Variants in HS6ST3 observed in about 807,000 individuals in gnomAD.
The protein encoded by HS6ST3 is heparan sulfate 6-O-sulfotransferase 3, also known as heparan-sulfate 6-O-sulfotransferase 3.
HS6ST3 carries 12 observed loss-of-function variants against 36.7 expected under a neutral mutation model. The observed-to-expected ratio is 0.33, with a 90% confidence interval of 0.21 to 0.53. The LOEUF (loss-of-function observed/expected upper bound fraction) is 0.53, where lower values mean the gene tolerates loss of function less well. HS6ST3 is among the 20% of genes least tolerant of loss of function. The probability of loss-of-function intolerance (pLI) is 0.95; values close to 1 mark genes in which losing one functional copy is unlikely to be tolerated. For missense variants in HS6ST3, 584 were observed against 640.9 expected (o/e 0.91, Z 0.96); for synonymous variants, 240 against 257.5 (o/e 0.93, Z 0.65).
intron 1 of HS6ST3, among the ~76,000 whole-genome samples, chr13:96,416,398 C>T (rs193156615): frequency 3.4e-4 from 51 of 152,128 alleles, no homozygotes; most frequent in Middle Eastern, 3.4e-3. Flanking sequence ...AAGAGTCATA[C>T]CTGGAATGGT....
chr13:96,434,539 A>G (rs755186962), intron 1 of HS6ST3, among the ~76,000 whole-genome samples: 12 of 151,938 alleles, frequency 7.9e-5, no homozygotes, highest in Admixed American at 1.3e-4. Flanking sequence ...AAAGTTGGAG[A>G]CCAGCTCTGA....
intron 1 of HS6ST3, among the ~76,000 whole-genome samples, chr13:96,600,400 T>G (rs2056417292): frequency 6.6e-6 from 1 of 151,762 alleles, no homozygotes; most frequent in Non-Finnish European, 1.5e-5. Flanking sequence ...CTTGTTGAAT[T>G]GATCCTTTAT....
chr13:96,151,712 G>C (rs953371565), intron 1 of HS6ST3, among the ~76,000 whole-genome samples: 5 of 152,154 alleles, frequency 3.3e-5, no homozygotes, highest in Non-Finnish European at 7.4e-5. Flanking sequence ...CCTCTGAAAC[G>C]TGTATGAAAG....
chr13:96,832,364 C>T lies in HS6ST3; in HGVS notation c.708-126C>T, dbSNP rs114182241. 733 of 666,584 alleles carry T rather than the reference C, an allele frequency of 1.1e-3. 5 individuals carry two copies. Among genetic ancestry groups the T allele is most frequent in the African/African-American group, 0.011 (600 of 55,176 alleles). 41.3% of individuals were successfully genotyped at this position (666,584 alleles called of 1,614,324 possible). A position where few individuals can be genotyped will look rare whatever the true frequency, so the allele number is the denominator to read the frequency against. ...ATGCATCAATAGACACAAATGCAGG[C>T]GAATACTCTCACATGAACATTTGGC... On this transcript the variant is annotated intron_variant, in intron 1 of 1. Transcript: ENST00000376705.
chr13:96,775,595 TAAAGAC>T (rs2138510364), intron 1 of HS6ST3, among the ~76,000 whole-genome samples: 1 of 148,736 alleles, frequency 6.7e-6, no homozygotes, highest in South Asian at 2.1e-4. Context: ...AAAAGACAAA[TAAAGAC>T]ATGACATAAT....
intron 1 of HS6ST3, among the ~76,000 whole-genome samples, chr13:96,406,197 T>C (rs1318043745): frequency 1.3e-5 from 2 of 152,132 alleles, no homozygotes; most frequent in African/African-American, 2.4e-5. Context: ...TATTCAGACA[T>C]TATTCTGCTA....
chr13:96,448,303 A>C (rs2055709223), intron 1 of HS6ST3, among the ~76,000 whole-genome samples: 1 of 152,158 alleles, frequency 6.6e-6, no homozygotes, highest in Admixed American at 6.5e-5. Flanking sequence ...TTAAAATTTA[A>C]TCAACCATTG....
chr13:96,334,555 C>G (rs960991719), intron 1 of HS6ST3, among the ~76,000 whole-genome samples: 1 of 152,194 alleles, frequency 6.6e-6, no homozygotes, highest in Non-Finnish European at 1.5e-5. Context: ...AATGAACTCA[C>G]AATTCCATAT....
intron 1 of HS6ST3, among the ~76,000 whole-genome samples, chr13:96,323,627 C>T (rs2055015661): frequency 1.3e-5 from 2 of 152,174 alleles, no homozygotes; most frequent in African/African-American, 4.8e-5. Context: ...CTTTGCCCTC[C>T]CTGTGCCTCC....
chr13:96,248,019 A>G (rs981304688), intron 1 of HS6ST3, among the ~76,000 whole-genome samples: 5 of 152,196 alleles, frequency 3.3e-5, no homozygotes, highest in African/African-American at 1.2e-4. Context: ...TTAATATAAG[A>G]CAAGTTAAGA....
intron 1 of HS6ST3, among the ~76,000 whole-genome samples, chr13:96,585,447 T>C (rs2056357480): frequency 1.3e-5 from 2 of 152,168 alleles, no homozygotes; most frequent in Admixed American, 6.5e-5. Context: ...AATTAACATA[T>C]CCATTATCTT....
intron 1 of HS6ST3, among the ~76,000 whole-genome samples, chr13:96,450,028 C>A (rs1001486703): frequency 6.6e-6 from 1 of 152,174 alleles, no homozygotes; most frequent in Admixed American, 6.5e-5. Context: ...CCAGGTTGGA[C>A]AGTAATTTTT....
chr13:96,324,418 G>A lies in HS6ST3; in HGVS notation c.707+232849G>A, dbSNP rs184335850. Among the ~76,000 whole-genome samples, 4 of 152,242 alleles carry A rather than the reference G, an allele frequency of 2.6e-5. No homozygotes were observed. In the East Asian group the frequency reaches 7.7e-4, roughly 29 times the overall value. On this transcript the variant is annotated intron_variant, in intron 1 of 1. Coordinates refer to ENST00000376705, the MANE Select transcript of HS6ST3 (RefSeq NM_153456.4). Reference sequence around the variant, plus strand: ...ATATGGTGTGGAATCTGCTGTTAGGGCAGATAAGAGGAAAACTGACCCCTG... The same window carrying A: ...ATATGGTGTGGAATCTGCTGTTAGGACAGATAAGAGGAAAACTGACCCCTG...
chr13:96,486,032 A>G (rs1173360962), intron 1 of HS6ST3, among the ~76,000 whole-genome samples: 1 of 107,232 alleles, frequency 9.3e-6, no homozygotes, highest in African/African-American at 3.7e-5. Context: ...ACCCCACAAC[A>G]GGCCCCGGTG....
chr13:96,636,619 A>C (rs2139004014), intron 1 of HS6ST3, among the ~76,000 whole-genome samples: 1 of 152,296 alleles, frequency 6.6e-6, no homozygotes, highest in African/African-American at 2.4e-5. Context: ...GTGGTGCCAG[A>C]ATTAACAGCA....
At chr13:96,754,677 C>T (rs1429104606) in intron 1 of HS6ST3, among the ~76,000 whole-genome samples, 1 of 152,154 alleles carries the variant, frequency 6.6e-6, no homozygotes, top group East Asian at 1.9e-4. Context: ...ATTCTATATT[C>T]TTCTGGCTTC....
At chr13:96,800,313 A>C (rs1181729735) in intron 1 of HS6ST3, among the ~76,000 whole-genome samples, 3 of 150,450 alleles carry the variant, frequency 2.0e-5, no homozygotes, top group Non-Finnish European at 3.0e-5. Context: ...TTTTTTTAGC[A>C]CATTGTGCTG....
intron 1 of HS6ST3, among the ~76,000 whole-genome samples, chr13:96,162,545 GA>G (rs1283963642): frequency 6.6e-6 from 1 of 152,204 alleles, no homozygotes; most frequent in African/African-American, 2.4e-5. Flanking sequence ...TGGAAGCTCA[GA>G]AGGGAGGTAG....
intron 1 of HS6ST3, among the ~76,000 whole-genome samples, chr13:96,572,661 T>C (rs778220655): frequency 2.0e-5 from 3 of 152,026 alleles, no homozygotes; most frequent in Non-Finnish European, 2.9e-5. Flanking sequence ...TCCTCCCGAA[T>C]ATTCTGAATC....
Sources: allele counts gnomAD v4.1 joint callset (sites outside exome capture counted in the v4.1 genomes callset), GRCh38; gene constraint gnomAD v4.1.1; transcripts MANE v1.5; gene names NCBI Gene and HGNC (gene_info 2026-07-23, HGNC 2026-07-21).